Variants in CYP3A5 observed in about 807,000 individuals in gnomAD.
The protein encoded by CYP3A5 is cytochrome P450 3A5.
Under a neutral mutation model 55.9 loss-of-function variants are expected in CYP3A5, and 51 were observed. The ratio of observed to expected loss-of-function variants is 0.91; its 90% CI spans 0.73 to 1.15. The LOEUF (loss-of-function observed/expected upper bound fraction) is 1.15, where lower values mean the gene tolerates loss of function less well. Among genes scored for constraint, CYP3A5 ranks in the 50% most tolerant of loss-of-function variants. The probability of loss-of-function intolerance (pLI) is 0.00; values close to 1 mark genes in which losing one functional copy is unlikely to be tolerated. For synonymous variants in CYP3A5, 196 were observed against 213.9 expected (o/e 0.92, Z 0.73); for missense variants, 533 against 596.6 (o/e 0.89, Z 1.11).
intron 10 of CYP3A5, among the ~76,000 whole-genome samples, chr7:99,658,126 G>C: frequency 6.6e-6 from 1 of 152,218 alleles, no homozygotes; most frequent in East Asian, 1.9e-4. Flanking sequence ...CTGTCATTAT[G>C]ATGTTAGCTG....
chr7:99,661,682 AGT>A (rs1489956323), intron 9 of CYP3A5, among the ~76,000 whole-genome samples: 2 of 152,214 alleles, frequency 1.3e-5, no homozygotes, highest in African/African-American at 2.4e-5. Flanking sequence ...ATATAAAATG[AGT>A]GTGAGAAAGG....
intron 1 of CYP3A5, among the ~76,000 whole-genome samples, chr7:99,678,560 C>G (rs1243533893): frequency 6.6e-6 from 1 of 152,160 alleles, no homozygotes; most frequent in Non-Finnish European, 1.5e-5. Flanking sequence ...TCCTGACATT[C>G]AGGAAAGGTG....
intron 2 of CYP3A5, 136 bp downstream of exon 2, chr7:99,675,979 T>C (rs1208404426): frequency 1.4e-6 from 1 of 698,950 alleles, no homozygotes; most frequent in Non-Finnish European, 2.4e-6. Context: ...ACAGGCATGA[T>C]CCACTGCACC....
At chr7:99,672,759 G>T in intron 3 of CYP3A5, 80 bp from the exon 4 acceptor site, 2 of 1,602,416 alleles carry the variant, frequency 1.2e-6, no homozygotes, top group South Asian at 2.2e-5. Flanking sequence ...GCCAGACTTT[G>T]ATCATTATGT....
At chr7:99,651,239 G>A (rs768212754) in intron 11 of CYP3A5, among the ~76,000 whole-genome samples, 1 of 152,098 alleles carries the variant, frequency 6.6e-6, no homozygotes, top group Non-Finnish European at 1.5e-5. Context: ...TTGTGTATAT[G>A]TCAAACATTC....
intron 4 of CYP3A5, chr7:99,671,592 A>G (rs1351035559): frequency 2.3e-6 from 1 of 433,586 alleles, no homozygotes; most frequent in Non-Finnish European, 4.1e-6. Flanking sequence ...ATTAACACAA[A>G]ATGGGTAATA....
At chr7:99,660,852 A>T (rs192274682) in intron 9 of CYP3A5, among the ~76,000 whole-genome samples, 193 bp from the exon 10 acceptor site, 1 of 152,296 alleles carries the variant, frequency 6.6e-6, no homozygotes, top group East Asian at 1.9e-4. Flanking sequence ...ATTTTAATCC[A>T]GGTTTTCCCA....
chr7:99,674,641 C>T (rs1812041224), intron 2 of CYP3A5, 56 bp from the exon 3 acceptor site: 1 of 1,476,628 alleles, frequency 6.8e-7, no homozygotes, highest in African/African-American at 1.4e-5. Flanking sequence ...ATAAACCCTA[C>T]CTCTAATTGG....
chr7:99,660,625 T>G lies in CYP3A5; in HGVS notation c.900A>C (p.Ile300=). 6.2e-7 allele frequency: 1 copy of G among 1,613,892 alleles called. No individual in the cohort carries two copies. Among genetic ancestry groups the G allele is most frequent in the South Asian group, 1.1e-5 (1 of 91,064 alleles). Residue 300 remains isoleucine, a synonymous_variant, in exon 10 of 13, where the codon ATA becomes ATC. Coordinates refer to ENST00000222982, the MANE Select transcript of CYP3A5 (RefSeq NM_000777.5). ...TTTCATAGCCAGCAAAAATGAAGAT[T>G]ATTGACTGGGCTGCGAGCTCCAGAT... ...LSDLELAAQS[I]IFIFAGYETT... is the part of the protein sequence containing the mutation.
intron 1 of CYP3A5, 117 bp downstream of exon 1, chr7:99,679,709 C>T: frequency 1.1e-6 from 1 of 941,938 alleles, no homozygotes; most frequent in Non-Finnish European, 1.7e-6. Context: ...GCGTCCAACA[C>T]TTCAGCTACT....
Position 99,679,855 on chromosome 7 carries a change from G to T in CYP3A5, c.42C>A (p.Leu14=). Residue 14 remains leucine, a synonymous_variant, in exon 1 of 13, where the codon CTC becomes CTA. Transcript: ENST00000222982. The stretch of plus-strand genomic sequence containing the variant: ...AGAGGAGCACCAGGCTGACAGCCAG[G>T]AGAAGCCAGGTTTCCACCGCCAAAT... ...IPNLAVETWL[L]LAVSLVLLYL... 6.2e-7 allele frequency: 1 copy of T among 1,614,098 alleles called. No homozygotes were observed. Among genetic ancestry groups the T allele is most frequent in the Non-Finnish European group, 8.5e-7 (1 of 1,179,990 alleles).
chr7:99,676,764 A>G (rs939087882), intron 1 of CYP3A5, among the ~76,000 whole-genome samples: 3 of 152,118 alleles, frequency 2.0e-5, no homozygotes, highest in Non-Finnish European at 4.4e-5. Context: ...AGCCCTTCTT[A>G]AACGTTCATT....
intron 2 of CYP3A5, 51 bp from the exon 3 acceptor site, chr7:99,674,636 C>G: frequency 6.6e-7 from 1 of 1,510,894 alleles, no homozygotes; most frequent in Non-Finnish European, 9.2e-7. Context: ...ATAGAATAAA[C>G]CCTACCTCTA....
chr7:99,654,884 A>T (rs571898722), intron 10 of CYP3A5, among the ~76,000 whole-genome samples: 9 of 152,248 alleles, frequency 5.9e-5, no homozygotes, highest in African/African-American at 1.9e-4. Context: ...ATGTCTTTTG[A>T]GAAGTGTCTG....
At chr7:99,650,272 A>T in intron 11 of CYP3A5, 40 bp from the exon 12 acceptor site, 1 of 1,592,368 alleles carries the variant, frequency 6.3e-7, no homozygotes, top group Middle Eastern at 1.7e-4. Context: ...AATGAAACAT[A>T]AAAACCACAG....
chr7:99,667,552 T>C (rs1254760458), intron 4 of CYP3A5, among the ~76,000 whole-genome samples: 1 of 152,228 alleles, frequency 6.6e-6, no homozygotes, highest in Non-Finnish European at 1.5e-5. Context: ...ACTTAAAGAC[T>C]AGAAACCTGT....
intron 10 of CYP3A5, 95 bp from the exon 11 acceptor site, chr7:99,652,874 G>T: frequency 3.5e-6 from 3 of 865,536 alleles, no homozygotes; most frequent in Non-Finnish European, 5.4e-6. Context: ...AAGCTCCAGA[G>T]AATAACTCAT....
intron 10 of CYP3A5, 180 bp downstream of exon 10, chr7:99,660,319 G>T: frequency 8.4e-7 from 1 of 1,193,342 alleles, no homozygotes; most frequent in Non-Finnish European, 1.0e-6. Context: ...TTATGCTTCT[G>T]CCAGTAGCAA....
At chr7:99,679,142 G>A (rs139205636) in intron 1 of CYP3A5, among the ~76,000 whole-genome samples, 2 of 152,262 alleles carry the variant, frequency 1.3e-5, no homozygotes, top group East Asian at 1.9e-4. Context: ...ACTTCCTCCA[G>A]GTCTCCTTTG....
Sources: gnomAD v4.1 joint callset for allele counts (sites outside exome capture counted in the v4.1 genomes callset) on GRCh38, gnomAD v4.1.1 for gene constraint, MANE v1.5 for transcripts, NCBI Gene and HGNC (gene_info 2026-07-23, HGNC 2026-07-21) for gene names.